UNC13C: variants seen among roughly 807,000 people sequenced by gnomAD.
UNC13C encodes the protein unc-13 homolog C.
In UNC13C, 174 loss-of-function variants were observed where a neutral mutation model predicts 245.4. That is an observed-to-expected ratio of 0.71 (90% CI 0.63 to 0.80). UNC13C has a LOEUF of 0.80. Among genes scored for constraint, UNC13C ranks in the 30% least tolerant of loss-of-function variants. The probability of loss-of-function intolerance (pLI) is 0.00; values close to 1 mark genes in which losing one functional copy is unlikely to be tolerated. For synonymous variants in UNC13C, 992 were observed against 895.1 expected, an observed-to-expected ratio of 1.11 and a Z score of -1.93; for missense variants, 2,829 against 2,602.9, an observed-to-expected ratio of 1.09 and a Z score of -1.89.
chr15:54,001,777 T>G (rs2249423), intron 1 of UNC13C, among the ~76,000 whole-genome samples: 20,238 of 152,240 alleles, frequency 0.13, 1,418 homozygotes, highest in Middle Eastern at 0.19. Context: ...CTCAAAGTGC[T>G]CCGTGGGGAC....
the UNC13C span, among the ~76,000 whole-genome samples, chr15:53,925,815 C>T: frequency 1.3e-5 from 2 of 152,156 alleles, no homozygotes; most frequent in African/African-American, 4.8e-5. Context: ...AAAGATCTTC[C>T]TTGTTCGGAT....
chr15:54,113,117 A>G (rs2029939344), intron 2 of UNC13C, among the ~76,000 whole-genome samples: 1 of 152,068 alleles, frequency 6.6e-6, no homozygotes, highest in South Asian at 2.1e-4. Context: ...TCCACACTCA[A>G]CCCAACCTAC....
chr15:54,306,449 A>G (rs1199633356), intron 13 of UNC13C, among the ~76,000 whole-genome samples: 1 of 151,968 alleles, frequency 6.6e-6, no homozygotes, highest in Non-Finnish European at 1.5e-5. Flanking sequence ...ATTTTGCATC[A>G]TGGGGTGAGG....
chr15:54,030,874 GT>G (rs1292396579), intron 2 of UNC13C, among the ~76,000 whole-genome samples: 1 of 152,182 alleles, frequency 6.6e-6, no homozygotes, highest in Non-Finnish European at 1.5e-5. Flanking sequence ...AATCCTATTT[GT>G]GAGGGCAGAG....
intron 4 of UNC13C, among the ~76,000 whole-genome samples, chr15:54,231,662 CA>C (rs975254631): frequency 3.3e-5 from 5 of 151,640 alleles, no homozygotes; most frequent in African/African-American, 1.2e-4. Context: ...TAATAAGCAC[CA>C]AAAAAAATTA....
chr15:54,470,108 C>A (rs1363298712), intron 19 of UNC13C, among the ~76,000 whole-genome samples: 1 of 151,338 alleles, frequency 6.6e-6, no homozygotes, highest in East Asian at 1.9e-4. Context: ...GAGATAAATC[C>A]CACTTGATCA....
At chr15:54,144,491 C>T (rs1453966193) in intron 4 of UNC13C, among the ~76,000 whole-genome samples, 1 of 152,034 alleles carries the variant, frequency 6.6e-6, no homozygotes, top group Admixed American at 6.6e-5. Flanking sequence ...TATTTTGACT[C>T]TAATTTTACA....
chr15:54,068,276 G>C (rs1318901165), intron 2 of UNC13C, among the ~76,000 whole-genome samples: 1 of 152,148 alleles, frequency 6.6e-6, no homozygotes, highest in Non-Finnish European at 1.5e-5. Flanking sequence ...GTTCCATTTA[G>C]AGATGAAGAC....
In UNC13C at chr15:54,161,939, C is replaced by T. The variant is rs984566210; in HGVS notation, c.3071+18255C>T. On this transcript the variant is annotated intron_variant, in intron 4 of 32. Transcript: ENST00000260323. The stretch of plus-strand genomic sequence containing the variant: ...CCCCAGTCTGGGCTACAGAGAGGGA[C>T]TCCATTTAAAAAAAAATGGCTTTTT... Among the ~76,000 whole-genome samples the T allele has an allele frequency of 2.1e-5, 3 of 140,796 alleles. No individual in the cohort carries two copies. In the South Asian group the frequency reaches 6.9e-4, roughly 32 times the overall value. 92.4% of individuals were successfully genotyped at this position (140,796 alleles called of 152,430 possible). A position where few individuals can be genotyped will look rare whatever the true frequency, so the allele number is the denominator to read the frequency against.
At chr15:54,161,996 G>A (rs957210098) in intron 4 of UNC13C, among the ~76,000 whole-genome samples, 5 of 152,090 alleles carry the variant, frequency 3.3e-5, no homozygotes, top group African/African-American at 1.2e-4. Flanking sequence ...GTCACAGAGG[G>A]ATTTGTGATT....
At chr15:54,235,994 T>C (rs1488102836) in intron 5 of UNC13C, among the ~76,000 whole-genome samples, 1 of 150,204 alleles carries the variant, frequency 6.7e-6, no homozygotes, top group Admixed American at 6.7e-5. Context: ...ATGCAAAAAA[T>C]TGACCATGGC....
chr15:53,918,273 G>T, the UNC13C span, among the ~76,000 whole-genome samples: 1 of 149,064 alleles, frequency 6.7e-6, no homozygotes, highest in Admixed American at 7.0e-5. Flanking sequence ...AGGCTAAGCT[G>T]CAGCTCCAGG....
the UNC13C span, among the ~76,000 whole-genome samples, chr15:53,965,676 A>T: frequency 6.6e-6 from 1 of 151,886 alleles, no homozygotes; most frequent in African/African-American, 2.4e-5. Flanking sequence ...CTAACTCGTC[A>T]TCTAGCATTA....
In UNC13C at chr15:54,107,950, A is replaced by T. The variant is rs1900530405; in HGVS notation, c.2984-35068A>T. On this transcript the variant is annotated intron_variant, in intron 2 of 32. Transcript: ENST00000260323. Reference sequence around the variant, plus strand: ...GTCCTTTATTCTAAAAGTTATTGAAAACTGGTATGAGCAAAGGCAAAAGAG... The same window carrying T: ...GTCCTTTATTCTAAAAGTTATTGAATACTGGTATGAGCAAAGGCAAAAGAG... Among the ~76,000 whole-genome samples the T allele has an allele frequency of 2.0e-5, 3 of 152,320 alleles. No homozygotes were observed. The South Asian group carries it at 6.2e-4, about 32-fold the overall frequency.
At chr15:54,291,480 G>T (rs751738874) in intron 10 of UNC13C, among the ~76,000 whole-genome samples, 13 of 151,956 alleles carry the variant, frequency 8.6e-5, no homozygotes, top group Non-Finnish European at 1.3e-4. Context: ...GTGAATATTT[G>T]TTGAAAGATA....
the UNC13C span, among the ~76,000 whole-genome samples, chr15:53,843,681 T>C: frequency 2.0e-5 from 3 of 152,054 alleles, no homozygotes; most frequent in Non-Finnish European, 4.4e-5. Flanking sequence ...ATGAAGGCCA[T>C]GTGTGCAGAA....
intron 19 of UNC13C, among the ~76,000 whole-genome samples, chr15:54,493,962 A>G (rs1000273341): frequency 6.6e-6 from 1 of 152,162 alleles, no homozygotes; most frequent in South Asian, 2.1e-4. Flanking sequence ...GGGGTGCAAG[A>G]TAACTTTAGG....
rs767176517 is a variant in UNC13C at position 54,297,772 on chromosome 15, G to A, written c.3989-39G>A. On this transcript the variant is annotated intron_variant, in intron 11 of 32. Coordinates refer to ENST00000260323, the MANE Select transcript of UNC13C (RefSeq NM_001080534.3). ...GAGGTCGTATGAGAAAAACATTATT[G>A]TCAGACATGACTGACCAATTGCCTT... 2.9e-5 allele frequency: 41 copies of A among 1,427,412 alleles called. No individual in the cohort carries two copies. The South Asian group carries it at 3.7e-4, about 13-fold the overall frequency. 88.4% of individuals were successfully genotyped at this position (1,427,412 alleles called of 1,614,324 possible).
At chr15:54,163,973 T>C (rs1595932148) in intron 4 of UNC13C, among the ~76,000 whole-genome samples, 3 of 152,168 alleles carry the variant, frequency 2.0e-5, no homozygotes. Flanking sequence ...AATATGGCTG[T>C]AATAGCATTT....
Sources: allele counts gnomAD v4.1 joint callset (sites outside exome capture counted in the v4.1 genomes callset), GRCh38; gene constraint gnomAD v4.1.1; transcripts MANE v1.5; gene names NCBI Gene and HGNC (gene_info 2026-07-23, HGNC 2026-07-21).